Variants in EVI5 observed in about 807,000 individuals in gnomAD.
The protein encoded by EVI5 is ecotropic viral integration site 5.
EVI5 carries 73 observed loss-of-function variants against 112.0 expected under a neutral mutation model. That is an observed-to-expected ratio of 0.65 (90% CI 0.54 to 0.79). The LOEUF (loss-of-function observed/expected upper bound fraction) is 0.79. EVI5 is among the 30% of genes least tolerant of loss of function. The pLI, the probability that EVI5 is intolerant of heterozygous loss-of-function variation, is 0.00. For missense variants in EVI5, 900 were observed against 968.8 expected, an observed-to-expected ratio of 0.93 and a Z score of 0.94; for synonymous variants, 305 against 319.9, an observed-to-expected ratio of 0.95 and a Z score of 0.50.
chr1:92,584,769 A>C (rs1232240804), intron 18 of EVI5, among the ~76,000 whole-genome samples: 1 of 152,268 alleles, frequency 6.6e-6, no homozygotes, highest in Non-Finnish European at 1.5e-5. Flanking sequence ...AAAAGTACAC[A>C]TAAATGTCTT....
chr1:92,536,332 A>G (rs1461966031), intron 19 of EVI5, among the ~76,000 whole-genome samples: 2 of 152,222 alleles, frequency 1.3e-5, no homozygotes, highest in African/African-American at 4.8e-5. Flanking sequence ...ATTTACAAAG[A>G]ATAAAGCATA....
intron 2 of EVI5, among the ~76,000 whole-genome samples, chr1:92,719,076 T>A (rs1674295220): frequency 6.6e-6 from 1 of 151,890 alleles, no homozygotes; most frequent in South Asian, 2.1e-4. Flanking sequence ...GAAAAAAAGT[T>A]CAGGACCAGA....
chr1:92,718,297 A>G (rs1674119522), intron 2 of EVI5, among the ~76,000 whole-genome samples: 1 of 152,210 alleles, frequency 6.6e-6, no homozygotes, highest in South Asian at 2.1e-4. Flanking sequence ...TTGGAAGTAA[A>G]GCACTCCTCA....
At chr1:92,539,553 A>C (rs1664456172) in intron 19 of EVI5, among the ~76,000 whole-genome samples, 1 of 47,852 alleles carries the variant, frequency 2.1e-5, no homozygotes, top group African/African-American at 1.3e-4. Flanking sequence ...AAAAAAAAAA[A>C]AAAAAAAAAA....
chr1:92,737,177 C>T (rs1047693377), intron 1 of EVI5, among the ~76,000 whole-genome samples: 3 of 151,968 alleles, frequency 2.0e-5, no homozygotes, highest in Non-Finnish European at 4.4e-5. Context: ...CTTCAAACCA[C>T]TAAAGAGTGT....
chr1:92,697,861 T>C lies in EVI5; in HGVS notation c.764A>G (p.Gln255Arg), dbSNP rs201420703. ...TTTTTATCAACACTGCACTTTTACC[T>C]GTATCATACATTCAAACTGGTACAT... ...LCMYQFECMI[Q>R]EHLPELFVHF... is the part of the protein sequence containing the mutation. The change falls in exon 6 of 20, where the codon CAG becomes CGG. Residue 255 changes from glutamine to arginine, a missense_variant and splice_region_variant. Transcript: ENST00000684568. The C allele has an allele frequency of 1.2e-6, 2 of 1,610,870 alleles. No homozygotes were observed. The highest frequency in any genetic ancestry group is 2.2e-5 in the South Asian group (2 of 90,086).
intron 1 of EVI5, among the ~76,000 whole-genome samples, chr1:92,760,652 T>C (rs866192585): frequency 1.3e-5 from 2 of 150,770 alleles, no homozygotes; most frequent in African/African-American, 2.4e-5. Flanking sequence ...GAGAATTGCT[T>C]GAACCCAGGA....
At chr1:92,601,030 G>A (rs987147667) in intron 18 of EVI5, among the ~76,000 whole-genome samples, 16 of 152,184 alleles carry the variant, frequency 1.1e-4, no homozygotes, top group South Asian at 4.1e-4. Flanking sequence ...AAAGTTAGGG[G>A]AGGTGAGAAT....
intron 2 of EVI5, among the ~76,000 whole-genome samples, chr1:92,711,408 T>C (rs933378988): frequency 6.6e-6 from 1 of 152,188 alleles, no homozygotes; most frequent in African/African-American, 2.4e-5. Flanking sequence ...CTGGTCAACA[T>C]GCCAGTTGGT....
At chr1:92,697,834 C>A in intron 6 of EVI5, 26 bp downstream of exon 6, 1 of 1,589,038 alleles carries the variant, frequency 6.3e-7, no homozygotes, top group Non-Finnish European at 8.6e-7. Flanking sequence ...AGGCAATATG[C>A]CTTTTTATCA....
chr1:92,542,175 A>C (rs192043610), intron 19 of EVI5, among the ~76,000 whole-genome samples: 343 of 152,334 alleles, frequency 2.3e-3, no homozygotes, highest in African/African-American at 7.8e-3. Context: ...CTGCTTTATC[A>C]ACTAAGTTTA....
Position 92,630,582 on chromosome 1 carries a change from A to T in EVI5, c.1528-4648T>A, listed in dbSNP as rs1455463034. Among the ~76,000 whole-genome samples the T allele has an allele frequency of 1.3e-4, 15 of 111,292 alleles. No homozygotes were observed. The East Asian group carries it at 3.6e-3, about 27-fold the overall frequency. 73.0% of individuals were successfully genotyped at this position (111,292 alleles called of 152,430 possible). A position where few individuals can be genotyped will look rare whatever the true frequency, so the allele number is the denominator to read the frequency against. ...TCTGGATATTAGCCCTTCGTCAGATAAGTAGATTGCAAAAATTTTCTCCCA... is the reference window on the plus strand; with the variant it reads ...TCTGGATATTAGCCCTTCGTCAGATTAGTAGATTGCAAAAATTTTCTCCCA... On this transcript the variant is annotated intron_variant, in intron 14 of 19. Coordinates refer to ENST00000684568, the MANE Select transcript of EVI5 (RefSeq NM_001350197.2).
intron 18 of EVI5, among the ~76,000 whole-genome samples, chr1:92,577,888 C>T (rs1671323447): frequency 6.6e-6 from 1 of 152,100 alleles, no homozygotes; most frequent in Non-Finnish European, 1.5e-5. Flanking sequence ...AAGTTTTAGA[C>T]CCATTTTTGC....
chr1:92,749,085 A>G, intron 1 of EVI5: 1 of 158,336 alleles, frequency 6.3e-6, no homozygotes, highest in Non-Finnish European at 1.3e-5. Context: ...AAAAAAAAAA[A>G]GAAAAAGAAA....
chr1:92,685,339 A>T (rs947130441), intron 9 of EVI5, among the ~76,000 whole-genome samples: 1 of 152,238 alleles, frequency 6.6e-6, no homozygotes, highest in Non-Finnish European at 1.5e-5. Context: ...AGAAATAAAG[A>T]TGTTCTTTGA....
intron 19 of EVI5, among the ~76,000 whole-genome samples, chr1:92,535,852 T>C (rs1663802349): frequency 6.6e-6 from 1 of 151,924 alleles, no homozygotes; most frequent in Non-Finnish European, 1.5e-5. Context: ...GGCACGTGTA[T>C]ACCTATGTAA....
chr1:92,601,192 A>G (rs746929574), intron 18 of EVI5, among the ~76,000 whole-genome samples: 15 of 152,208 alleles, frequency 9.9e-5, no homozygotes, highest in Non-Finnish European at 1.8e-4. Context: ...TAACAGTAAC[A>G]ATTCTATCAC....
At chr1:92,709,330 T>C (rs1313440862) in intron 2 of EVI5, among the ~76,000 whole-genome samples, 1 of 152,196 alleles carries the variant, frequency 6.6e-6, no homozygotes, top group Non-Finnish European at 1.5e-5. Context: ...CACATTTCTC[T>C]GCATATTATT....
intron 9 of EVI5, among the ~76,000 whole-genome samples, chr1:92,682,922 T>C (rs1667855297): frequency 1.3e-5 from 2 of 152,188 alleles, no homozygotes; most frequent in African/African-American, 4.8e-5. Flanking sequence ...TAAATTTTGT[T>C]TTATCTCAAG....
Sources: allele counts gnomAD v4.1 joint callset (sites outside exome capture counted in the v4.1 genomes callset), GRCh38; gene constraint gnomAD v4.1.1; transcripts MANE v1.5; gene names NCBI Gene and HGNC (gene_info 2026-07-23, HGNC 2026-07-21).